PDZK1: variants seen among roughly 807,000 people sequenced by gnomAD.
The protein encoded by PDZK1 is Na(+)/H(+) exchange regulatory cofactor NHE-RF3.
In PDZK1, 23 loss-of-function variants were observed where a neutral mutation model predicts 38.1. The ratio of observed to expected loss-of-function variants is 0.60; its 90% CI spans 0.43 to 0.85. The LOEUF is 0.85. Ranked by LOEUF, PDZK1 falls within the 40% of genes least tolerant of loss-of-function variation. The pLI is 0.00. For synonymous variants in PDZK1, 98 were observed against 186.2 expected (o/e 0.53, Z 3.86); for missense variants, 297 against 504.3 (o/e 0.59, Z 3.94).
chr1:145,703,772 A>G (rs1656098776), intron 1 of PDZK1, among the ~76,000 whole-genome samples: 1 of 152,130 alleles, frequency 6.6e-6, no homozygotes, highest in African/African-American at 2.4e-5. Context: ...GACTCAGTCC[A>G]GTAGACTATA....
chr1:145,694,453 C>T (rs1301285143), intron 1 of PDZK1, among the ~76,000 whole-genome samples: 5 of 152,210 alleles, frequency 3.3e-5, no homozygotes, highest in Non-Finnish European at 5.9e-5. Context: ...AGAAGACATA[C>T]TACCCAAACC....
intron 3 of PDZK1, among the ~76,000 whole-genome samples, chr1:145,684,054 C>T (rs1207833421): frequency 7.9e-5 from 12 of 151,220 alleles, no homozygotes; most frequent in Admixed American, 7.9e-4. Context: ...GCCATGTTGG[C>T]CAGGCTTGTC....
At chr1:145,697,518 C>T (rs1243850906) in intron 1 of PDZK1, among the ~76,000 whole-genome samples, 8 of 152,100 alleles carry the variant, frequency 5.3e-5, no homozygotes, top group Non-Finnish European at 8.8e-5. Flanking sequence ...ACAGAAAATG[C>T]CACTGACATT....
At chr1:145,692,480 G>A (rs1407209094) in intron 1 of PDZK1, among the ~76,000 whole-genome samples, 2 of 152,146 alleles carry the variant, frequency 1.3e-5, no homozygotes, top group African/African-American at 2.4e-5. Context: ...GGATGCCAAG[G>A]TGGGTGGATC....
intron 3 of PDZK1, among the ~76,000 whole-genome samples, chr1:145,683,360 CTGCATTATTG>C (rs1310415931): frequency 1.1e-4 from 17 of 152,350 alleles, no homozygotes; most frequent in South Asian, 4.1e-4. Flanking sequence ...CATGCCCACA[CTGCATTATTG>C]TGTCATACGC....
In PDZK1 at chr1:145,687,915, C is replaced by T. The variant is rs376348039; in HGVS notation, c.107G>A (p.Arg36Gln). The T allele has an allele frequency of 6.8e-6, 11 of 1,613,034 alleles. No individual in the cohort carries two copies. Among genetic ancestry groups the T allele is most frequent in the Admixed American group, 5.0e-5 (3 of 59,892 alleles). ...IEKDTEGHLV[R>Q]VVEKCSPAEK... ...TGCTGGGCTACACTTCTCAACCACC[C>T]GGACCAGGTGGCCCTCGGTGTCCTT... Residue 36 changes from arginine to glutamine, a missense_variant, in exon 2 of 9, where the codon CGG (arginine) becomes CAG (glutamine). Coordinates refer to ENST00000417171, the MANE Select transcript of PDZK1 (RefSeq NM_001201325.2).
chr1:145,690,249 C>G (rs1288455120), intron 1 of PDZK1, among the ~76,000 whole-genome samples: 1 of 152,104 alleles, frequency 6.6e-6, no homozygotes, highest in Non-Finnish European at 1.5e-5. Flanking sequence ...TCCCAACCTG[C>G]GAGCATCAGT....
chr1:145,704,801 C>T (rs1052750775), intron 1 of PDZK1, among the ~76,000 whole-genome samples: 7 of 152,204 alleles, frequency 4.6e-5, no homozygotes, highest in African/African-American at 7.2e-5. Context: ...AGAATCATTT[C>T]ACTAAGAAGT....
At chr1:145,683,166 G>T (rs782475303) in intron 3 of PDZK1, among the ~76,000 whole-genome samples, 3 of 152,174 alleles carry the variant, frequency 2.0e-5, no homozygotes, top group Admixed American at 2.0e-4. Flanking sequence ...ACAAACTTCC[G>T]ATTTTAGAGC....
At position 145,671,064 on chromosome 1, in the gene PDZK1, T is replaced by A. The variant is rs1418372140; in HGVS notation, c.*372A>T. 5.1e-6 allele frequency: 1 copy of A among 196,954 alleles called. No homozygotes were observed. The highest frequency in any genetic ancestry group is 1.0e-5 in the Non-Finnish European group (1 of 95,878). 12.2% of individuals were successfully genotyped at this position (196,954 alleles called of 1,614,324 possible). ...ATTTTAATAGGCTTATCTGCTAAGA[T>A]GCTTTTATAAGCAGCTGTCACCTAT... On this transcript the variant is annotated 3_prime_UTR_variant, in exon 9 of 9. Coordinates refer to ENST00000417171, the MANE Select transcript of PDZK1 (RefSeq NM_001201325.2).
rs1174011580 is a variant in PDZK1 at position 145,701,097 on chromosome 1, C to T, written c.-3+6220G>A. On this transcript the variant is annotated intron_variant, in intron 1 of 8. Transcript: ENST00000417171. ...GCACACGCCTGTAGTCCCAGCTACT[C>T]GGGAGGCTGAGACAGGAGAATTGCT... Among the ~76,000 whole-genome samples, 11 of 151,534 alleles carry T rather than the reference C, an allele frequency of 7.3e-5. No individual in the cohort carries two copies. The South Asian group carries it at 8.4e-4, about 12-fold the overall frequency.
chr1:145,688,739 T>C (rs188216708), intron 1 of PDZK1, among the ~76,000 whole-genome samples: 400 of 152,190 alleles, frequency 2.6e-3, no homozygotes, highest in Non-Finnish European at 4.6e-3. Flanking sequence ...GGCGGGCAGA[T>C]CACAAGGTCA....
intron 5 of PDZK1, among the ~76,000 whole-genome samples, 175 bp from the exon 6 acceptor site, chr1:145,678,820 C>T (rs1373062387): frequency 4.2e-5 from 6 of 142,838 alleles, no homozygotes; most frequent in African/African-American, 7.6e-5. Flanking sequence ...TATCTAGGCT[C>T]GTTTCCTGCT....
chr1:145,672,677 T>G, intron 8 of PDZK1, 53 bp downstream of exon 8: 1 of 1,605,548 alleles, frequency 6.2e-7, no homozygotes, highest in Non-Finnish European at 8.5e-7. Context: ...TCATAGGGAC[T>G]GTACCCATAC....
chr1:145,677,226 A>G (rs1553699469), intron 6 of PDZK1, among the ~76,000 whole-genome samples: 1 of 152,178 alleles, frequency 6.6e-6, no homozygotes, highest in East Asian at 1.9e-4. Flanking sequence ...AGGTCTCACC[A>G]TGTGGTATTC....
chr1:145,696,796 T>C (rs189491017), intron 1 of PDZK1, among the ~76,000 whole-genome samples: 2 of 152,280 alleles, frequency 1.3e-5, no homozygotes, highest in East Asian at 1.9e-4. Flanking sequence ...GGCAGAAATG[T>C]GATGCCATTA....
chr1:145,679,991 C>CT (rs1400445287), intron 5 of PDZK1, among the ~76,000 whole-genome samples: 4 of 152,190 alleles, frequency 2.6e-5, no homozygotes, highest in Non-Finnish European at 5.9e-5. Flanking sequence ...TATCCCAGCT[C>CT]TGTCTACTTT....
intron 2 of PDZK1, among the ~76,000 whole-genome samples, 166 bp from the exon 3 acceptor site, chr1:145,686,892 G>A (rs1234046229): frequency 3.9e-5 from 6 of 152,120 alleles, no homozygotes; most frequent in East Asian, 3.9e-4. Flanking sequence ...CTGCCCTCCC[G>A]AGATCCAGGT....
In PDZK1 at chr1:145,686,737, A is replaced by G; in HGVS notation, c.211-11T>C. ...GACCAGATCCACAACCTAGGAGGGA[A>G]GAAGAAAAAGGTAACTTTAATAACC... On this transcript the variant is annotated splice_polypyrimidine_tract_variant and intron_variant, in intron 2 of 8. Transcript: ENST00000417171. The G allele has an allele frequency of 2.1e-6, 3 of 1,398,410 alleles. No individual in the cohort carries two copies. The highest frequency in any genetic ancestry group is 2.0e-6 in the Non-Finnish European group (2 of 1,017,552). 86.6% of individuals were successfully genotyped at this position (1,398,410 alleles called of 1,614,324 possible).
Sources: allele counts gnomAD v4.1 joint callset (sites outside exome capture counted in the v4.1 genomes callset), GRCh38; gene constraint gnomAD v4.1.1; transcripts MANE v1.5; gene names NCBI Gene and HGNC (gene_info 2026-07-23, HGNC 2026-07-21).